WDR12: variants seen among roughly 807,000 people sequenced by gnomAD.
The protein encoded by WDR12 is ribosome biogenesis protein WDR12.
In WDR12, 42 loss-of-function variants were observed where a neutral mutation model predicts 64.3. The ratio of observed to expected loss-of-function variants is 0.65; its 90% CI spans 0.51 to 0.84. The LOEUF is 0.84. Ranked by LOEUF, WDR12 falls within the 40% of genes least tolerant of loss-of-function variation. The probability of loss-of-function intolerance (pLI) is 0.00; values close to 1 mark genes in which losing one functional copy is unlikely to be tolerated. For missense variants in WDR12, 469 were observed against 494.6 expected, an observed-to-expected ratio of 0.95 and a Z score of 0.49; for synonymous variants, 158 against 173.3, an observed-to-expected ratio of 0.91 and a Z score of 0.70.
chr2:202,877,994 T>C lies in WDR12; in HGVS notation c.*2866A>G, dbSNP rs1050783447. On this transcript the variant is annotated 3_prime_UTR_variant, in exon 13 of 13. Coordinates refer to ENST00000261015, the MANE Select transcript of WDR12 (RefSeq NM_018256.4). ...AGTCTAGGCATGTATTGACCTCTCA[T>C]ATTCCTTCTGTTCAGGGAGTAAGAT... is the stretch of plus-strand genomic sequence containing the variant. 6.6e-6 allele frequency: 1 copy of C among 152,206 alleles called. No homozygotes were observed. The highest frequency in any genetic ancestry group is 2.4e-5 in the African/African-American group (1 of 41,440). The allele number at this position is 152,206 out of a possible 1,614,324, so 9.4% of individuals were successfully genotyped here.
At chr2:202,895,517 C>CTTTTTTTTTTTT (rs901435872) in intron 6 of WDR12, among the ~76,000 whole-genome samples, 21 of 111,526 alleles carry the variant, frequency 1.9e-4, no homozygotes, top group African/African-American at 2.6e-4. Context: ...TCATTTCTTT[C>CTTTTTTTTTTTT]TTTTTTTTTT....
chr2:202,903,308 T>G (rs1259709110), intron 2 of WDR12, among the ~76,000 whole-genome samples: 2 of 152,032 alleles, frequency 1.3e-5, no homozygotes, highest in Non-Finnish European at 2.9e-5. Context: ...CATAATAAAA[T>G]TCATATATAA....
At chr2:202,886,387 C>T (rs114071475) in intron 8 of WDR12, among the ~76,000 whole-genome samples, 5,951 of 151,910 alleles carry the variant, frequency 0.039, 378 homozygotes, top group African/African-American at 0.13. Context: ...GAACCTGGGA[C>T]GTGGAGGTTG....
In WDR12 at chr2:202,884,424, C is replaced by T. The variant is rs1025869388; in HGVS notation, c.853G>A (p.Val285Ile). 2 of 1,614,088 alleles carry T rather than the reference C, an allele frequency of 1.2e-6. No homozygotes were observed. Among genetic ancestry groups the T allele is most frequent in the East Asian group, 2.2e-5 (1 of 44,904 alleles). Residue 285 changes from valine to isoleucine, a missense_variant, in exon 9 of 13, where the codon GTT (valine) becomes ATT (isoleucine). Val to Ile is a conservative substitution (Grantham distance 29). Transcript: ENST00000261015. ...SWDHTIRVWD[V>I]ESGSLKSTLT... ...GTTGACTTAAGACTGCCAGACTCAACATCCCACACTCTAATTGTATGGTCC... is the reference window on the plus strand; with the variant it reads ...GTTGACTTAAGACTGCCAGACTCAATATCCCACACTCTAATTGTATGGTCC...
In WDR12 at chr2:202,911,595, G is replaced by A. The variant is rs1028659093; in HGVS notation, c.-119C>T. On this transcript the variant is annotated 5_prime_UTR_variant, in exon 1 of 13. Coordinates refer to ENST00000261015, the MANE Select transcript of WDR12 (RefSeq NM_018256.4). ...TCAAAATTAGACTGCACAGGTAAGC[G>A]AGGAACTGCAGTCTAAGCCTGGACT... 9.9e-6 allele frequency: 9 copies of A among 911,762 alleles called. No homozygotes were observed. The South Asian group carries it at 1.1e-4, about 11-fold the overall frequency. 56.5% of individuals were successfully genotyped at this position (911,762 alleles called of 1,614,324 possible).
chr2:202,889,326 A>G (rs745594995), intron 8 of WDR12, among the ~76,000 whole-genome samples: 1 of 152,198 alleles, frequency 6.6e-6, no homozygotes, highest in Non-Finnish European at 1.5e-5. Flanking sequence ...GAATACATAA[A>G]TAACTCTTAC....
intron 11 of WDR12, among the ~76,000 whole-genome samples, chr2:202,883,163 T>A (rs878928068): frequency 6.6e-6 from 1 of 152,030 alleles, no homozygotes; most frequent in Non-Finnish European, 1.5e-5. Flanking sequence ...TGAGATGGAG[T>A]CTTGGTCTGT....
At chr2:202,881,131 T>C (rs995093083) in intron 12 of WDR12, among the ~76,000 whole-genome samples, 194 bp from the exon 13 acceptor site, 4 of 152,222 alleles carry the variant, frequency 2.6e-5, no homozygotes, top group Non-Finnish European at 4.4e-5. Flanking sequence ...ATTAAAACAT[T>C]AAAAGCTATC....
At chr2:202,890,437 A>T (rs1245646171) in intron 8 of WDR12, among the ~76,000 whole-genome samples, 1 of 152,160 alleles carries the variant, frequency 6.6e-6, no homozygotes, top group East Asian at 1.9e-4. Flanking sequence ...CTATATTTTT[A>T]TTTGGGTAGT....
chr2:202,889,746 C>G (rs1300855151), intron 8 of WDR12, among the ~76,000 whole-genome samples: 1 of 149,940 alleles, frequency 6.7e-6, no homozygotes, highest in East Asian at 1.9e-4. Context: ...AAGACCCCAT[C>G]TCTTTAAAAA....
chr2:202,908,562 A>C (rs1478134455), intron 1 of WDR12, among the ~76,000 whole-genome samples: 2 of 152,228 alleles, frequency 1.3e-5, no homozygotes, highest in Non-Finnish European at 2.9e-5. Context: ...GAGTTGTTAA[A>C]CTGCCCAGCC....
At chr2:202,902,160 ACT>A (rs541038195) in intron 2 of WDR12, among the ~76,000 whole-genome samples, 2,589 of 152,324 alleles carry the variant, frequency 0.017, 28 homozygotes, top group Non-Finnish European at 0.027. Context: ...ATGTTACCCA[ACT>A]ATTTGGGTAA....
chr2:202,889,417 G>T (rs887140004), intron 8 of WDR12, among the ~76,000 whole-genome samples: 1 of 152,112 alleles, frequency 6.6e-6, no homozygotes, highest in African/African-American at 2.4e-5. Flanking sequence ...TTTAAAAAAT[G>T]GGCTATGAGG....
intron 8 of WDR12, among the ~76,000 whole-genome samples, chr2:202,884,802 T>C (rs1688019140): frequency 6.6e-6 from 1 of 152,236 alleles, no homozygotes; most frequent in Admixed American, 6.5e-5. Context: ...TCGTCTGTAG[T>C]CTTTCCACTA....
intron 8 of WDR12, among the ~76,000 whole-genome samples, chr2:202,886,715 C>T (rs564359334): frequency 7.4e-5 from 10 of 134,388 alleles, no homozygotes; most frequent in East Asian, 2.3e-4. Flanking sequence ...TGCAGTGAGC[C>T]GAGATTGCGC....
At position 202,880,504 on chromosome 2, in the gene WDR12, C is replaced by A. The variant is rs71425965; in HGVS notation, c.*356G>T. On this transcript the variant is annotated 3_prime_UTR_variant, in exon 13 of 13. Transcript: ENST00000261015. ...CGGAGGTTGCAGTGAGTTGAGATTG[C>A]GCCACTGCACTCCAGCCTAGGCAAC... The A allele has an allele frequency of 1.3e-5, 2 of 154,450 alleles. No homozygotes were observed. Among genetic ancestry groups the A allele is most frequent in the East Asian group, 1.9e-4 (1 of 5,294 alleles). 9.6% of individuals were successfully genotyped at this position (154,450 alleles called of 1,614,324 possible).
intron 8 of WDR12, among the ~76,000 whole-genome samples, chr2:202,890,696 G>A (rs1400404388): frequency 3.3e-5 from 5 of 151,750 alleles, no homozygotes; most frequent in East Asian, 1.9e-4. Flanking sequence ...GCGTGAACCC[G>A]GGGGGCGGAG....
chr2:202,880,755 T>A lies in WDR12; in HGVS notation c.*105A>T, dbSNP rs575512585. On this transcript the variant is annotated 3_prime_UTR_variant, in exon 13 of 13. Transcript: ENST00000261015. ...TGTTATGAAGGGTGAAAACATTATA[T>A]AAACTTCAAAAGGCTGCTTTCTGCA... The A allele has an allele frequency of 1.2e-4, 111 of 917,500 alleles. 3 individuals are homozygous for A. In the South Asian group the frequency reaches 2.1e-3, roughly 18 times the overall value. 56.8% of individuals were successfully genotyped at this position (917,500 alleles called of 1,614,324 possible).
intron 11 of WDR12, among the ~76,000 whole-genome samples, chr2:202,883,211 C>T (rs1456628290): frequency 6.6e-6 from 1 of 152,148 alleles, no homozygotes; most frequent in Non-Finnish European, 1.5e-5. Context: ...TCTCGGCTCA[C>T]TGCAACCTCC....
Sources: gnomAD v4.1 joint callset for allele counts (sites outside exome capture counted in the v4.1 genomes callset) on GRCh38, gnomAD v4.1.1 for gene constraint, MANE v1.5 for transcripts, NCBI Gene and HGNC (gene_info 2026-07-23, HGNC 2026-07-21) for gene names.